TRIM22: variants seen among roughly 807,000 people sequenced by gnomAD.
The protein encoded by TRIM22 is tripartite motif containing 22.
A neutral mutation model predicts 53.6 loss-of-function variants in TRIM22; 45 were observed. The observed-to-expected ratio is 0.84, with a 90% CI of 0.66 to 1.08. TRIM22 has a LOEUF of 1.08. TRIM22 is among the 50% of genes least tolerant of loss of function. The pLI is 0.00. For missense variants in TRIM22, 616 were observed against 590.9 expected (o/e 1.04, Z -0.44); for synonymous variants, 225 against 216.6 (o/e 1.04, Z -0.34).
chr11:5,691,174 G>A (rs771259196), intron 1 of TRIM22: 5 of 152,224 alleles, frequency 3.3e-5, no homozygotes, highest in South Asian at 2.1e-4. Context: ...CTCAGACACC[G>A]AGGTAAAGAA....
chr11:5,697,806 C>A, intron 3 of TRIM22: 1 of 167,050 alleles, frequency 6.0e-6, no homozygotes, highest in Non-Finnish European at 1.3e-5. Context: ...CTGGTTCAAA[C>A]GATTCTCCTG....
At chr11:5,699,489 AGT>A (rs1251282144) in intron 4 of TRIM22, among the ~76,000 whole-genome samples, 8 of 103,510 alleles carry the variant, frequency 7.7e-5, no homozygotes, top group Non-Finnish European at 1.2e-4. Context: ...GCGCCACTGC[AGT>A]CCGCAGTCCG....
Position 5,696,403 on chromosome 11 carries a change from T to G in TRIM22, c.171T>G (p.Pro57=). The part of the protein sequence containing the change: ...VIISRGESSC[P]VCQTRFQPGN... ...TCTCAAGAGGGGAAAGCAGCTGTCC[T>G]GTGTGTCAGACCAGATTCCAGCCTG... Residue 57 remains proline, a synonymous_variant, in exon 2 of 8, where the codon CCT becomes CCG. Transcript: ENST00000379965. 6.2e-7 allele frequency: 1 copy of G among 1,614,242 alleles called. No individual in the cohort carries two copies. The highest frequency in any genetic ancestry group is 1.1e-5 in the South Asian group (1 of 91,090).
rs1245236443 is a variant in TRIM22 at position 5,709,927 on chromosome 11, T to C, written c.*279T>C. On this transcript the variant is annotated 3_prime_UTR_variant, in exon 8 of 8. Transcript: ENST00000379965. ...GTCTGCAAGGAAGGGCTCTGTTCCATGCCTCTCTCCTTGGCTTGTAGAAGG... is the reference window on the plus strand; with the variant it reads ...GTCTGCAAGGAAGGGCTCTGTTCCACGCCTCTCTCCTTGGCTTGTAGAAGG... 3 of 401,186 alleles carry C rather than the reference T, an allele frequency of 7.5e-6. No homozygotes were observed. Among genetic ancestry groups the C allele is most frequent in the African/African-American group, 6.0e-5 (3 of 50,044 alleles). The allele number at this position is 401,186 out of a possible 1,614,324, so 24.9% of individuals were successfully genotyped here. A position where few individuals can be genotyped will look rare whatever the true frequency, so the allele number is the denominator to read the frequency against.
At chr11:5,691,327 AG>A (rs746362975) in intron 1 of TRIM22, among the ~76,000 whole-genome samples, 71 of 152,282 alleles carry the variant, frequency 4.7e-4, no homozygotes, top group Non-Finnish European at 7.1e-4. Flanking sequence ...TTGAGCAAGC[AG>A]GGGGTACGTG....
At position 5,709,535 on chromosome 11, in the gene TRIM22, C is replaced by T. The variant is rs772885004; in HGVS notation, c.1384C>T (p.His462Tyr). Residue 462 changes from histidine (H) to tyrosine (Y), a missense_variant, in exon 8 of 8, where the codon CAC becomes TAC. Physicochemically the swap from His to Tyr is moderately conservative, Grantham distance 83. Transcript: ENST00000379965. ...TGTCTCATTTTTCAATGTCACAAAC[C>T]ACGGAGCACTCATCTACAAGTTCTC... is the stretch of plus-strand genomic sequence containing the variant. ...GIVSFFNVTN[H>Y]GALIYKFSGC... 10 of 1,613,990 alleles carry T rather than the reference C, an allele frequency of 6.2e-6. No individual in the cohort carries two copies. In the African/African-American group the frequency reaches 1.3e-4, roughly 22 times the overall value.
chr11:5,690,630 A>G (rs1417469935), intron 1 of TRIM22, among the ~76,000 whole-genome samples: 1 of 152,220 alleles, frequency 6.6e-6, no homozygotes, highest in East Asian at 1.9e-4. Context: ...ACTGTGAATT[A>G]AAGAATAAAG....
chr11:5,692,876 C>CTTTTTTTTTTTTTTTTTT, intron 1 of TRIM22, among the ~76,000 whole-genome samples: 1 of 132,918 alleles, frequency 7.5e-6, no homozygotes, highest in Non-Finnish European at 1.6e-5. Context: ...TTAATTTAAT[C>CTTTTTTTTTTTTTTTTTT]TTTTTTTTTT....
chr11:5,693,189 CT>C (rs55820335), intron 1 of TRIM22, among the ~76,000 whole-genome samples: 3,663 of 125,504 alleles, frequency 0.029, 94 homozygotes, highest in African/African-American at 0.079. Flanking sequence ...GCCTGGCCAT[CT>C]TTTTTTTTTT....
chr11:5,700,697 C>T (rs370529610), intron 4 of TRIM22, among the ~76,000 whole-genome samples: 1 of 145,966 alleles, frequency 6.9e-6, no homozygotes, highest in South Asian at 2.2e-4. Flanking sequence ...TGCAGTGGCA[C>T]GATTTCGGCT....
At chr11:5,695,184 C>G (rs1853237092) in intron 1 of TRIM22, among the ~76,000 whole-genome samples, 1 of 152,214 alleles carries the variant, frequency 6.6e-6, no homozygotes, top group South Asian at 2.1e-4. Flanking sequence ...AAATAAGAAG[C>G]TAAATGTGCA....
intron 4 of TRIM22, 84 bp from the exon 5 acceptor site, chr11:5,706,510 T>A: frequency 7.7e-7 from 1 of 1,293,970 alleles, no homozygotes; most frequent in Non-Finnish European, 1.1e-6. Flanking sequence ...ATATTGTTTA[T>A]CCCAAATTCT....
chr11:5,692,740 G>A (rs1853191720), intron 1 of TRIM22, among the ~76,000 whole-genome samples: 1 of 148,614 alleles, frequency 6.7e-6, no homozygotes, highest in South Asian at 2.1e-4. Context: ...CTGGAGGACT[G>A]CTTGAGTTGA....
intron 6 of TRIM22, 126 bp from the exon 7 acceptor site, chr11:5,708,451 C>T (rs878896978): frequency 4.8e-6 from 5 of 1,034,928 alleles, no homozygotes; most frequent in South Asian, 3.1e-5. Context: ...TCTGATTCAT[C>T]CTCTCATTCA....
At chr11:5,708,123 G>C in intron 5 of TRIM22, 50 bp from the exon 6 acceptor site, 1 of 1,421,174 alleles carries the variant, frequency 7.0e-7, no homozygotes. Context: ...ATCTTGGATG[G>C]AGAGAAATAG....
At position 5,709,668 on chromosome 11, in the gene TRIM22, C is replaced by T; in HGVS notation, c.*20C>T. The T allele has an allele frequency of 1.3e-6, 2 of 1,588,112 alleles. No individual in the cohort carries two copies. Among genetic ancestry groups the T allele is most frequent in the South Asian group, 1.1e-5 (1 of 89,906 alleles). On this transcript the variant is annotated 3_prime_UTR_variant, in exon 8 of 8. Transcript: ENST00000379965. ...TCCTGAGTGTTCTCATTCCTTTACC[C>T]ACTTCTGCATAGTAGCCCTTGTGCT...
In TRIM22 at chr11:5,703,937, A is replaced by G. The variant is rs535678704; in HGVS notation, c.751-2657A>G. Among the ~76,000 whole-genome samples, 11 of 152,304 alleles carry G rather than the reference A, an allele frequency of 7.2e-5. No homozygotes were observed. The South Asian group carries it at 2.3e-3, about 32-fold the overall frequency. ...CCTGAGAAATGCAAATCAAAACCAC[A>G]ACGAGATACCATCTCACAACAGTCA... On this transcript the variant is annotated intron_variant, in intron 4 of 7. Transcript: ENST00000379965.
intron 4 of TRIM22, among the ~76,000 whole-genome samples, chr11:5,704,314 A>T (rs1853424444): frequency 6.6e-6 from 1 of 152,060 alleles, no homozygotes; most frequent in Non-Finnish European, 1.5e-5. Context: ...TAGTGGTGAA[A>T]CCACACACGC....
intron 3 of TRIM22, 63 bp downstream of exon 3, chr11:5,697,406 T>C (rs1230753435): frequency 1.7e-6 from 2 of 1,197,118 alleles, no homozygotes; most frequent in African/African-American, 3.0e-5. Flanking sequence ...CTGGGCTCTA[T>C]CACAAGGAGA....
Sources: allele counts gnomAD v4.1 joint callset (sites outside exome capture counted in the v4.1 genomes callset), GRCh38; gene constraint gnomAD v4.1.1; transcripts MANE v1.5; gene names NCBI Gene and HGNC (gene_info 2026-07-23, HGNC 2026-07-21).